P2RX7: variants seen among roughly 807,000 people sequenced by gnomAD.
The protein encoded by P2RX7 is P2X purinoceptor 7.
P2RX7 carries 62 observed loss-of-function variants against 71.6 expected under a neutral mutation model. The ratio of observed to expected loss-of-function variants is 0.87; its 90% CI spans 0.71 to 1.07. The LOEUF is 1.07. P2RX7 is among the 50% of genes least tolerant of loss of function. The pLI, the probability that P2RX7 is intolerant of heterozygous loss-of-function variation, is 0.00. For synonymous variants in P2RX7, 299 were observed against 283.3 expected (o/e 1.06, Z -0.56); for missense variants, 686 against 748.5 (o/e 0.92, Z 0.97).
At chr12:121,159,406 G>A (rs1411427062) in intron 3 of P2RX7, among the ~76,000 whole-genome samples, 2 of 113,546 alleles carry the variant, frequency 1.8e-5, no homozygotes, top group Non-Finnish European at 3.3e-5. Flanking sequence ...GACAGAGCAA[G>A]ACTCTGTCTC....
chr12:121,140,448 G>A (rs545541925), intron 1 of P2RX7, among the ~76,000 whole-genome samples: 59 of 152,254 alleles, frequency 3.9e-4, no homozygotes, highest in African/African-American at 1.1e-3. Flanking sequence ...CAAGAATGAC[G>A]GTGAGGAACC....
At chr12:121,156,234 G>A in intron 3 of P2RX7, 87 bp downstream of exon 3, 3 of 1,086,370 alleles carry the variant, frequency 2.8e-6, no homozygotes, top group South Asian at 2.5e-5. Context: ...GCGGACCCTG[G>A]GGTGTATTTG....
In P2RX7 at chr12:121,160,901, G is replaced by A; in HGVS notation, c.364-1G>A. On this transcript the variant is annotated splice_acceptor_variant, in intron 3 of 12. Coordinates refer to ENST00000328963, the MANE Select transcript of P2RX7 (RefSeq NM_002562.6). LOFTEE classifies it high-confidence loss of function. ...CCACTCTGTCATCCTTCTATCTGCA[G>A]TATCCCACCCGCAGGACGCTCTGTT... 6.2e-7 allele frequency: 1 copy of A among 1,612,886 alleles called. No homozygotes were observed. The highest frequency in any genetic ancestry group is 1.1e-5 in the South Asian group (1 of 91,056).
intron 1 of P2RX7, among the ~76,000 whole-genome samples, chr12:121,143,840 G>A (rs1283557617): frequency 6.6e-6 from 1 of 152,174 alleles, no homozygotes; most frequent in African/African-American, 2.4e-5. Context: ...GGCAGAGTGA[G>A]ACTCCGTCTC....
At chr12:121,164,217 C>T (rs1158645769) in intron 5 of P2RX7, among the ~76,000 whole-genome samples, 1 of 152,194 alleles carries the variant, frequency 6.6e-6, no homozygotes, top group Non-Finnish European at 1.5e-5. Flanking sequence ...GCAAGCAACT[C>T]CCTGAACTTC....
In P2RX7 at chr12:121,187,864, A is replaced by G. The variant is rs1258217004; in HGVS notation, c.*3062A>G. On this transcript the variant is annotated 3_prime_UTR_variant, in exon 13 of 13. Transcript: ENST00000328963. ...ATTCATGGCTTCCTTTCTGTGTCAG[A>G]AGAGAAGGGATCTGCTTTCTCTTGG... 6.6e-6 allele frequency: 1 copy of G among 152,190 alleles called. No individual in the cohort carries two copies. Among genetic ancestry groups the G allele is most frequent in the Admixed American group, 6.6e-5 (1 of 15,262 alleles). The allele number at this position is 152,190 out of a possible 1,614,324, so 9.4% of individuals were successfully genotyped here.
chr12:121,137,374 T>C (rs1434547128), intron 1 of P2RX7, among the ~76,000 whole-genome samples: 1 of 152,180 alleles, frequency 6.6e-6, no homozygotes, highest in South Asian at 2.1e-4. Context: ...GCAAAATTGG[T>C]TCCAGCAGAC....
chr12:121,159,561 C>T (rs1565953741), intron 3 of P2RX7, among the ~76,000 whole-genome samples: 1 of 152,116 alleles, frequency 6.6e-6, no homozygotes, highest in African/African-American at 2.4e-5. Context: ...AGGTCCTTGA[C>T]CTGAATCACT....
In P2RX7 at chr12:121,154,397, G is replaced by A. The variant is rs1460718661; in HGVS notation, c.126-388G>A. ...ACCAGATGCAGCCTTAGACTGGAAG[G>A]TGCTGATGTGTTACTGAGCCTCCAG... On this transcript the variant is annotated intron_variant, in intron 1 of 12. Transcript: ENST00000328963. The surrounding 1 kb of genome is among the most constrained non-coding windows in gnomAD (Gnocchi z 4.2). 1.3e-5 allele frequency among the ~76,000 whole-genome samples: 2 copies of A among 152,168 alleles called. No homozygotes were observed. Among genetic ancestry groups the A allele is most frequent in the Non-Finnish European group, 2.9e-5 (2 of 68,034 alleles).
Position 121,162,420 on chromosome 12 carries a change from A to T in P2RX7, c.437-4A>T. 6.2e-7 allele frequency: 1 copy of T among 1,613,718 alleles called. No homozygotes were observed. The highest frequency in any genetic ancestry group is 1.1e-5 in the South Asian group (1 of 91,060). On this transcript the variant is annotated splice_region_variant and splice_polypyrimidine_tract_variant and intron_variant, in intron 4 of 12. Transcript: ENST00000328963. ...GTGGTTCTACGATGCTTTGACCCCT[A>T]TAGGAATTCAGACCGGAAGGTGTGT...
chr12:121,138,481 C>T (rs887038602), intron 1 of P2RX7, among the ~76,000 whole-genome samples: 1 of 152,208 alleles, frequency 6.6e-6, no homozygotes. Flanking sequence ...CATTGGCCAG[C>T]CTGGGTCATG....
intron 1 of P2RX7, among the ~76,000 whole-genome samples, chr12:121,147,137 C>T (rs985478768): frequency 7.9e-5 from 12 of 152,044 alleles, no homozygotes; most frequent in Admixed American, 4.6e-4. Flanking sequence ...AAAGGAAATT[C>T]GAAAAAGTAT....
At position 121,149,744 on chromosome 12, in the gene P2RX7, T is replaced by C. The variant is rs1258017495; in HGVS notation, c.126-5041T>C. ...CTTCCCAAAATCTTTCCAGCTTTGT[T>C]CTTTTTTAGAGACTGGAGTCTCACT... On this transcript the variant is annotated intron_variant, in intron 1 of 12. Transcript: ENST00000328963. This position sits in a 1 kb window ranked among gnomAD's most constrained non-coding sequence, Gnocchi z 4.7. Among the ~76,000 whole-genome samples the C allele has an allele frequency of 1.3e-5, 2 of 152,170 alleles. No individual in the cohort carries two copies. Among genetic ancestry groups the C allele is most frequent in the African/African-American group, 2.4e-5 (1 of 41,432 alleles).
intron 1 of P2RX7, among the ~76,000 whole-genome samples, chr12:121,145,163 G>A (rs1002886134): frequency 1.3e-5 from 2 of 152,208 alleles, no homozygotes; most frequent in Admixed American, 6.5e-5. Context: ...CCCCAAAGGA[G>A]TGCTAACCTT....
chr12:121,146,098 G>A (rs746779250), intron 1 of P2RX7, among the ~76,000 whole-genome samples: 6 of 151,698 alleles, frequency 4.0e-5, no homozygotes, highest in Non-Finnish European at 7.4e-5. Context: ...TGTAACTTTC[G>A]CCTTTGGTTA....
chr12:121,155,596 A>G (rs1490870335), intron 2 of P2RX7, among the ~76,000 whole-genome samples: 2 of 152,150 alleles, frequency 1.3e-5, no homozygotes, highest in African/African-American at 4.8e-5. Flanking sequence ...TGCTTTGCAA[A>G]GACCCATGAA....
intron 1 of P2RX7, among the ~76,000 whole-genome samples, chr12:121,137,832 G>T (rs1412530726): frequency 5.9e-5 from 9 of 152,248 alleles, no homozygotes; most frequent in Non-Finnish European, 1.5e-5. Context: ...AGCAGCAAGT[G>T]ACAGGTTCTG....
chr12:121,141,413 G>C (rs1313100825), intron 1 of P2RX7, among the ~76,000 whole-genome samples: 2 of 152,148 alleles, frequency 1.3e-5, no homozygotes, highest in African/African-American at 4.8e-5. Context: ...CACAGTGTTG[G>C]GAAGAGGAAG....
chr12:121,171,583 A>G (rs1333956539), intron 8 of P2RX7, among the ~76,000 whole-genome samples: 3 of 152,004 alleles, frequency 2.0e-5, no homozygotes, highest in Non-Finnish European at 4.4e-5. Context: ...CAAACACTGT[A>G]TTTCCAAATA....
Sources: allele counts gnomAD v4.1 joint callset (sites outside exome capture counted in the v4.1 genomes callset), GRCh38; gene constraint gnomAD v4.1.1; non-coding constraint Gnocchi (gnomAD v3.1); transcripts MANE v1.5; gene names NCBI Gene and HGNC (gene_info 2026-07-23, HGNC 2026-07-21).